The following CLVS1 variants were observed in gnomAD, a reference collection of about 807,000 sequenced individuals.
CLVS1 encodes clavesin-1.
In CLVS1, 10 loss-of-function variants were observed where a neutral mutation model predicts 33.1. That is an observed-to-expected ratio of 0.30 (90% CI 0.19 to 0.51). The LOEUF (loss-of-function observed/expected upper bound fraction) is 0.51. Among genes scored for constraint, CLVS1 ranks in the 20% least tolerant of loss-of-function variants. CLVS1 has a pLI of 0.97. For missense variants in CLVS1, 343 were observed against 433.4 expected, an observed-to-expected ratio of 0.79 and a Z score of 1.85; for synonymous variants, 163 against 166.1, an observed-to-expected ratio of 0.98 and a Z score of 0.14.
chr8:61,170,026 A>G (rs1806960241), intron 2 of CLVS1, among the ~76,000 whole-genome samples: 1 of 152,200 alleles, frequency 6.6e-6, no homozygotes, highest in African/African-American at 2.4e-5. Context: ...TAAGCTGCAC[A>G]CATTTAAAGT....
the CLVS1 span, among the ~76,000 whole-genome samples, chr8:61,012,624 G>A: frequency 6.6e-6 from 1 of 152,138 alleles, no homozygotes; most frequent in Non-Finnish European, 1.5e-5. Context: ...GAATGGGGAG[G>A]GCCAATGTTT....
At chr8:60,965,030 A>ATTTTCT in the CLVS1 span, among the ~76,000 whole-genome samples, 1 of 151,998 alleles carries the variant, frequency 6.6e-6, no homozygotes, top group East Asian at 1.9e-4. Context: ...GGATGCATGA[A>ATTTTCT]TTTTCTTTTT....
intron 2 of CLVS1, among the ~76,000 whole-genome samples, chr8:61,264,136 GC>G (rs1440148345): frequency 1.3e-5 from 2 of 152,062 alleles, no homozygotes; most frequent in African/African-American, 4.8e-5. Context: ...AGAGGCTCAA[GC>G]TGGCACTTGA....
intron 2 of CLVS1, among the ~76,000 whole-genome samples, chr8:61,193,119 C>A (rs1238064413): frequency 1.3e-5 from 2 of 152,120 alleles, no homozygotes; most frequent in East Asian, 1.9e-4. Context: ...TGGAACCAAC[C>A]CAAATGTCCA....
At chr8:61,417,347 TA>T (rs1189165982) in intron 3 of CLVS1, among the ~76,000 whole-genome samples, 2 of 152,334 alleles carry the variant, frequency 1.3e-5, no homozygotes, top group East Asian at 3.9e-4. Flanking sequence ...ATCTATGCTA[TA>T]TTTTTTTCTC....
At chr8:61,139,448 C>T (rs892990162) in intron 2 of CLVS1, among the ~76,000 whole-genome samples, 16 of 152,350 alleles carry the variant, frequency 1.1e-4, no homozygotes, top group African/African-American at 3.4e-4. Flanking sequence ...GTCACCTTCT[C>T]CGCGCTTTAA....
intron 2 of CLVS1, among the ~76,000 whole-genome samples, chr8:61,301,696 C>A (rs985108737): frequency 2.0e-5 from 3 of 152,152 alleles, no homozygotes; most frequent in African/African-American, 7.2e-5. Flanking sequence ...TCATGTTACA[C>A]AACTAGTGAA....
chr8:61,399,776 A>G (rs1435921262), intron 3 of CLVS1, among the ~76,000 whole-genome samples: 1 of 152,188 alleles, frequency 6.6e-6, no homozygotes, highest in South Asian at 2.1e-4. Context: ...TCCCAGCACC[A>G]TTTATTAAAT....
At chr8:61,401,213 A>G (rs890475660) in intron 3 of CLVS1, among the ~76,000 whole-genome samples, 3 of 151,504 alleles carry the variant, frequency 2.0e-5, no homozygotes, top group African/African-American at 7.3e-5. Context: ...GATTGTGTCA[A>G]CTGAAAACAA....
intron 2 of CLVS1, among the ~76,000 whole-genome samples, chr8:61,371,212 T>C (rs1006955322): frequency 5.4e-4 from 82 of 152,226 alleles, no homozygotes; most frequent in Non-Finnish European, 2.1e-4. Context: ...TATTGCATTG[T>C]GGTTTTGATT....
chr8:61,163,224 G>T (rs1329405175), intron 2 of CLVS1, among the ~76,000 whole-genome samples: 1 of 152,108 alleles, frequency 6.6e-6, no homozygotes, highest in Non-Finnish European at 1.5e-5. Flanking sequence ...GGATCTTTTG[G>T]CTTCTTTAGT....
At chr8:61,483,007 C>T (rs937637137) in intron 5 of CLVS1, among the ~76,000 whole-genome samples, 6 of 152,186 alleles carry the variant, frequency 3.9e-5, no homozygotes, top group Non-Finnish European at 5.9e-5. Flanking sequence ...CTAAAATTGA[C>T]ATCCTAACAT....
At chr8:61,083,936 C>G (rs995548681) in intron 1 of CLVS1, among the ~76,000 whole-genome samples, 1 of 152,120 alleles carries the variant, frequency 6.6e-6, no homozygotes, top group Non-Finnish European at 1.5e-5. Flanking sequence ...AATTTCCTGA[C>G]CCCTAATGAT....
chr8:61,286,270 A>G (rs1250250338), upstream of CLVS1, among the ~76,000 whole-genome samples: 1 of 152,166 alleles, frequency 6.6e-6, no homozygotes, highest in Non-Finnish European at 1.5e-5. Flanking sequence ...CCCATATGTA[A>G]TAGGGCTGGA....
At chr8:61,230,836 G>A (rs1023831312) in intron 2 of CLVS1, among the ~76,000 whole-genome samples, 2 of 152,140 alleles carry the variant, frequency 1.3e-5, no homozygotes, top group African/African-American at 4.8e-5. Flanking sequence ...CAAGACACTG[G>A]CAGACTTGGT....
chr8:61,276,710 A>T (rs557377505), intron 2 of CLVS1, among the ~76,000 whole-genome samples: 11 of 152,380 alleles, frequency 7.2e-5, no homozygotes, highest in African/African-American at 2.4e-4. Context: ...GAAAGAAAAA[A>T]ATGAATAAAA....
intron 2 of CLVS1, among the ~76,000 whole-genome samples, chr8:61,258,311 T>C (rs1809129020): frequency 6.6e-6 from 1 of 152,248 alleles, no homozygotes; most frequent in African/African-American, 2.4e-5. Flanking sequence ...GAAAGCAACC[T>C]GTCTCAGTTT....
the CLVS1 span, among the ~76,000 whole-genome samples, chr8:60,982,018 G>T: frequency 2.0e-5 from 3 of 152,180 alleles, no homozygotes; most frequent in Non-Finnish European, 4.4e-5. Flanking sequence ...GATGCTGATT[G>T]TGATAAATCA....
chr8:61,445,955 A>G (rs1328807756), intron 3 of CLVS1, among the ~76,000 whole-genome samples: 1 of 152,144 alleles, frequency 6.6e-6, no homozygotes, highest in South Asian at 2.1e-4. Flanking sequence ...AGAGTTCTTT[A>G]TAGTATTCCC....
Sources: allele counts gnomAD v4.1 joint callset (sites outside exome capture counted in the v4.1 genomes callset), GRCh38; gene constraint gnomAD v4.1.1; transcripts MANE v1.5; gene names NCBI Gene and HGNC (gene_info 2026-07-23, HGNC 2026-07-21).